Variants in RERE observed in about 807,000 individuals in gnomAD.
RERE encodes the protein arginine-glutamic acid dipeptide repeats, also known as arginine-glutamic acid dipeptide repeats protein.
A neutral mutation model predicts 146.1 loss-of-function variants in RERE; 40 were observed. That is an observed-to-expected ratio of 0.27 (90% confidence interval 0.21 to 0.36). The LOEUF is 0.36. RERE is among the 10% of genes least tolerant of loss of function. The pLI is 1.00. For synonymous variants in RERE, 1,003 were observed against 866.0 expected, an observed-to-expected ratio of 1.16 and a Z score of -2.78; for missense variants, 1,933 against 2,138.7, an observed-to-expected ratio of 0.90 and a Z score of 1.90.
At chr1:8,554,325 C>CT (rs1645977792) in intron 6 of RERE, among the ~76,000 whole-genome samples, 1 of 152,144 alleles carries the variant, frequency 6.6e-6, no homozygotes, top group South Asian at 2.1e-4. Flanking sequence ...CGATTAAAAT[C>CT]TTTTCCCTCA....
In RERE at chr1:8,366,944, C is replaced by A. The variant is rs200476581; in HGVS notation, c.1285-970G>T. ...AAAAAAAAAACAAAAAAAAAAAACC[C>A]AAAAAACAAACACAGCCAAGTGAGA... On this transcript the variant is annotated intron_variant, in intron 12 of 22. Transcript: ENST00000400908. 6.4e-4 allele frequency among the ~76,000 whole-genome samples: 84 copies of A among 130,828 alleles called. No individual in the cohort carries two copies. The South Asian group carries it at 7.9e-3, about 12-fold the overall frequency. 85.8% of individuals were successfully genotyped at this position (130,828 alleles called of 152,430 possible).
At chr1:8,703,925 G>C (rs1392681810) in intron 1 of RERE, among the ~76,000 whole-genome samples, 1 of 152,158 alleles carries the variant, frequency 6.6e-6, no homozygotes, top group African/African-American at 2.4e-5. Context: ...TTCTCTGCAA[G>C]CCATTTGTTT....
chr1:8,369,324 C>T (rs964688160), intron 12 of RERE, among the ~76,000 whole-genome samples: 4 of 152,024 alleles, frequency 2.6e-5, no homozygotes, highest in African/African-American at 9.7e-5. Context: ...TCACTGATCT[C>T]TGCCAACAAG....
At chr1:8,739,857 T>A (rs1640273803) in intron 1 of RERE, among the ~76,000 whole-genome samples, 1 of 149,420 alleles carries the variant, frequency 6.7e-6, no homozygotes, top group African/African-American at 2.4e-5. Context: ...TAATTAATTA[T>A]ATTATATAAT....
chr1:8,813,613 CCT>C, intron 1 of RERE, among the ~76,000 whole-genome samples: 2 of 125,750 alleles, frequency 1.6e-5, no homozygotes, highest in Middle Eastern at 4.2e-3. Context: ...CCTATTTTTT[CCT>C]TTTTTTTTTT....
At chr1:8,462,644 G>A (rs1429403962) in intron 11 of RERE, among the ~76,000 whole-genome samples, 1 of 152,224 alleles carries the variant, frequency 6.6e-6, no homozygotes, top group Non-Finnish European at 1.5e-5. Context: ...CTGCTTCAAA[G>A]TATTCATGTA....
chr1:8,642,972 T>C (rs993930427), intron 2 of RERE, among the ~76,000 whole-genome samples: 2 of 152,146 alleles, frequency 1.3e-5, no homozygotes, highest in African/African-American at 4.8e-5. Context: ...AATGAGTAAG[T>C]GCCTAGAATG....
chr1:8,644,872 T>A (rs533684182), intron 2 of RERE, among the ~76,000 whole-genome samples: 12 of 152,310 alleles, frequency 7.9e-5, no homozygotes, highest in South Asian at 2.1e-4. Flanking sequence ...AAGAGCAAAG[T>A]AATTATATCA....
intron 7 of RERE, chr1:8,526,098 C>T: frequency 9.0e-7 from 1 of 1,107,630 alleles, no homozygotes; most frequent in East Asian, 5.2e-5. Context: ...CTTCTCCCTG[C>T]ACACCAAGCT....
chr1:8,441,263 T>C (rs1644244238), intron 11 of RERE, among the ~76,000 whole-genome samples: 1 of 152,106 alleles, frequency 6.6e-6, no homozygotes. Flanking sequence ...CAAAATGGGA[T>C]GTATGGACAC....
chr1:8,589,126 AAAAC>A (rs1325359927), intron 4 of RERE, among the ~76,000 whole-genome samples: 1 of 152,076 alleles, frequency 6.6e-6, no homozygotes, highest in African/African-American at 2.4e-5. Flanking sequence ...TCTGTCCCAA[AAAAC>A]AAACAAACAA....
intron 1 of RERE, among the ~76,000 whole-genome samples, chr1:8,755,888 G>T (rs1249218396): frequency 6.6e-6 from 1 of 152,044 alleles, no homozygotes; most frequent in Non-Finnish European, 1.5e-5. Flanking sequence ...AATATAGTGA[G>T]ACTCCGTCTC....
chr1:8,683,459 C>T (rs1262505035), intron 1 of RERE, among the ~76,000 whole-genome samples: 3 of 152,038 alleles, frequency 2.0e-5, no homozygotes, highest in African/African-American at 7.2e-5. Flanking sequence ...GGACACCTTT[C>T]CAAAAACCTC....
intron 1 of RERE, among the ~76,000 whole-genome samples, chr1:8,760,077 G>A (rs551631224): frequency 2.4e-4 from 37 of 152,300 alleles, no homozygotes; most frequent in Middle Eastern, 3.4e-3. Flanking sequence ...CCAGGCTGGA[G>A]TGCAGTGGCG....
chr1:8,462,553 TGCA>T (rs1303667836), intron 11 of RERE, among the ~76,000 whole-genome samples: 1 of 152,284 alleles, frequency 6.6e-6, no homozygotes, highest in Admixed American at 6.5e-5. Flanking sequence ...GCCCAGGAGG[TGCA>T]GAGGCCCAGC....
chr1:8,798,324 C>G (rs564980109), intron 1 of RERE, among the ~76,000 whole-genome samples: 1 of 151,884 alleles, frequency 6.6e-6, no homozygotes, highest in Non-Finnish European at 1.5e-5. Context: ...TTGAACCTGG[C>G]TGGGGAACAG....
intron 4 of RERE, among the ~76,000 whole-genome samples, chr1:8,596,046 G>A (rs1646551896): frequency 6.6e-6 from 1 of 152,220 alleles, no homozygotes; most frequent in African/African-American, 2.4e-5. Flanking sequence ...TAGAAATAAA[G>A]TGATTCAGTA....
chr1:8,571,129 A>G (rs1052902392), intron 4 of RERE, among the ~76,000 whole-genome samples: 4 of 152,238 alleles, frequency 2.6e-5, no homozygotes, highest in South Asian at 4.1e-4. Flanking sequence ...AATAACCTAG[A>G]TAATTTCCGC....
At chr1:8,523,893 ATTTGTTAACTGT>A (rs1490462948) in intron 7 of RERE, among the ~76,000 whole-genome samples, 2 of 152,208 alleles carry the variant, frequency 1.3e-5, no homozygotes, top group African/African-American at 4.8e-5. Flanking sequence ...TCACATTTTT[ATTTGTTAACTGT>A]AAAGAAAGTT....
Sources: gnomAD v4.1 joint callset for allele counts (sites outside exome capture counted in the v4.1 genomes callset) on GRCh38, gnomAD v4.1.1 for gene constraint, MANE v1.5 for transcripts, NCBI Gene and HGNC (gene_info 2026-07-23, HGNC 2026-07-21) for gene names.